KHDRBS2: variants seen among roughly 807,000 people sequenced by gnomAD.
KHDRBS2 encodes the protein KH domain-containing, RNA-binding, signal transduction-associated protein 2.
A neutral mutation model predicts 44.3 loss-of-function variants in KHDRBS2; 26 were observed. That is an observed-to-expected ratio of 0.59 (90% CI 0.43 to 0.81). The LOEUF is 0.81. Among genes scored for constraint, KHDRBS2 ranks in the 40% least tolerant of loss-of-function variants. The pLI is 0.00. For synonymous variants in KHDRBS2, 194 were observed against 151.1 expected (o/e 1.28, Z -2.08); for missense variants, 476 against 433.1 (o/e 1.10, Z -0.88).
intron 2 of KHDRBS2, among the ~76,000 whole-genome samples, chr6:62,143,742 T>C (rs557772521): frequency 2.5e-4 from 38 of 152,012 alleles, no homozygotes; most frequent in African/African-American, 8.9e-4. Flanking sequence ...GATTGTAGTA[T>C]TTAAGAGTCT....
the KHDRBS2 span, among the ~76,000 whole-genome samples, chr6:61,631,185 A>T: frequency 6.6e-6 from 1 of 151,998 alleles, no homozygotes; most frequent in Non-Finnish European, 1.5e-5. Context: ...TTTTAAACAA[A>T]CAGTTTATGA....
chr6:61,928,439 G>T (rs1410137055), intron 4 of KHDRBS2, among the ~76,000 whole-genome samples: 1 of 152,086 alleles, frequency 6.6e-6, no homozygotes, highest in Non-Finnish European at 1.5e-5. Flanking sequence ...AAATAGGTTA[G>T]TAAAGAGGAA....
At chr6:62,061,504 C>A (rs1286751536) in intron 2 of KHDRBS2, among the ~76,000 whole-genome samples, 1 of 149,298 alleles carries the variant, frequency 6.7e-6, no homozygotes, top group Non-Finnish European at 1.5e-5. Flanking sequence ...TATTGGCCCC[C>A]ACTCTCTTCT....
At chr6:62,026,601 T>A (rs1206270255) in intron 3 of KHDRBS2, among the ~76,000 whole-genome samples, 1 of 148,544 alleles carries the variant, frequency 6.7e-6, no homozygotes, top group East Asian at 2.0e-4. Flanking sequence ...CTTGGTTAAC[T>A]TTTTTTTTTC....
intron 2 of KHDRBS2, among the ~76,000 whole-genome samples, chr6:62,169,170 T>C (rs1610005): frequency 1.9e-3 from 54 of 28,528 alleles, no homozygotes; most frequent in Middle Eastern, 0.023. Context: ...TACACATATA[T>C]GTATATATGT....
At chr6:62,126,293 T>C (rs2150086426) in intron 2 of KHDRBS2, among the ~76,000 whole-genome samples, 2 of 152,296 alleles carry the variant, frequency 1.3e-5, no homozygotes, top group Middle Eastern at 6.8e-3. Context: ...TGGGCAGAAC[T>C]TTATCTTGTG....
In KHDRBS2 at chr6:61,704,267, A is replaced by C. The variant is rs1769134234; in HGVS notation, c.894-7014T>G. ...TTTTTTAAAACACTAAACAACAAAT[A>C]AATGGGGCTGAAAAAGGCTTCACGG... On this transcript the variant is annotated intron_variant, in intron 7 of 8. Transcript: ENST00000281156. Among the ~76,000 whole-genome samples, 2 of 151,910 alleles carry C rather than the reference A, an allele frequency of 1.3e-5. 1 individual carries two copies. Among genetic ancestry groups the C allele is most frequent in the South Asian group, 4.1e-4 (2 of 4,820 alleles).
intron 1 of KHDRBS2, among the ~76,000 whole-genome samples, chr6:62,182,985 G>T (rs1475817896): frequency 1.3e-5 from 2 of 151,548 alleles, no homozygotes; most frequent in Non-Finnish European, 3.0e-5. Flanking sequence ...TTTTTTTCCT[G>T]CAACAAAATT....
At chr6:62,020,290 A>C (rs759623280) in intron 3 of KHDRBS2, among the ~76,000 whole-genome samples, 19 of 151,970 alleles carry the variant, frequency 1.3e-4, no homozygotes, top group Admixed American at 2.6e-4. Context: ...TTGATTCCTA[A>C]TTTATGTGGT....
the KHDRBS2 span, among the ~76,000 whole-genome samples, chr6:61,643,798 A>T: frequency 6.6e-6 from 1 of 152,224 alleles, no homozygotes; most frequent in Non-Finnish European, 1.5e-5. Flanking sequence ...GCTCAAAGAA[A>T]TCAGAAATGA....
intron 4 of KHDRBS2, among the ~76,000 whole-genome samples, chr6:61,904,754 C>T (rs764870773): frequency 6.6e-6 from 1 of 152,168 alleles, no homozygotes; most frequent in Admixed American, 6.5e-5. Context: ...GCTCTTTCCT[C>T]GAGGTCAGAC....
At chr6:61,906,249 T>A (rs1232245729) in intron 4 of KHDRBS2, among the ~76,000 whole-genome samples, 2 of 152,200 alleles carry the variant, frequency 1.3e-5, no homozygotes, top group Non-Finnish European at 2.9e-5. Context: ...TTAAAATTTT[T>A]ATCTTCAATT....
intron 8 of KHDRBS2, among the ~76,000 whole-genome samples, chr6:61,695,250 C>CA (rs1767782355): frequency 6.6e-6 from 1 of 152,074 alleles, no homozygotes; most frequent in African/African-American, 2.4e-5. Context: ...AACAAACCCC[C>CA]AAATAATCAG....
the KHDRBS2 span, among the ~76,000 whole-genome samples, chr6:61,673,050 C>T: frequency 5.3e-5 from 8 of 151,558 alleles, no homozygotes; most frequent in Non-Finnish European, 1.2e-4. Flanking sequence ...GATCCAGTTT[C>T]AGCTTTCTAC....
rs1166368697 is a variant in KHDRBS2, at chr6:61,848,550, TAC to T, written c.810+46083_810+46084del. On this transcript the variant is annotated intron_variant, in intron 6 of 8. Transcript: ENST00000281156. Reference sequence around the variant, plus strand: ...ATATATACATATATATGTATATATATACATATATATATGTATATATATATACA... The same window carrying T: ...ATATATACATATATATGTATATATATATATATATATGTATATATATATACA... Among the ~76,000 whole-genome samples the T allele has an allele frequency of 7.2e-4, 38 of 52,462 alleles. 2 individuals are homozygous for T. The highest frequency in any genetic ancestry group is 4.2e-3 in the African/African-American group (21 of 5,040). The allele number at this position is 52,462 out of a possible 152,430, so 34.4% of individuals were successfully genotyped here.
At chr6:61,900,930 G>T (rs544234404) in intron 5 of KHDRBS2, among the ~76,000 whole-genome samples, 1 of 152,242 alleles carries the variant, frequency 6.6e-6, no homozygotes, top group East Asian at 1.9e-4. Flanking sequence ...ATTTTCTAGA[G>T]GTAGTTGTTA....
chr6:61,745,780 C>A (rs9362623), intron 6 of KHDRBS2, among the ~76,000 whole-genome samples: 54,619 of 151,892 alleles, frequency 0.36, 10,568 homozygotes, highest in East Asian at 0.48. Context: ...CTAAAAGGGT[C>A]TTTTTCACGG....
chr6:61,726,612 T>C (rs1773610825), intron 7 of KHDRBS2, among the ~76,000 whole-genome samples: 1 of 152,100 alleles, frequency 6.6e-6, no homozygotes, highest in Non-Finnish European at 1.5e-5. Flanking sequence ...ATCGCTAGCA[T>C]TCCTATACAT....
At chr6:61,843,345 TTA>T (rs1491145445) in intron 6 of KHDRBS2, among the ~76,000 whole-genome samples, 844 of 59,676 alleles carry the variant, frequency 0.014, 10 homozygotes, top group African/African-American at 0.059. Flanking sequence ...ATCTATTTTA[TTA>T]TTATTATTAT....
Sources: gnomAD v4.1 joint callset for allele counts (sites outside exome capture counted in the v4.1 genomes callset) on GRCh38, gnomAD v4.1.1 for gene constraint, MANE v1.5 for transcripts, NCBI Gene and HGNC (gene_info 2026-07-23, HGNC 2026-07-21) for gene names.